Variants in MNAT1 observed in about 807,000 individuals in gnomAD.
MNAT1 encodes MNAT1 component of CDK activating kinase, also known as CDK-activating kinase assembly factor MAT1.
A neutral mutation model predicts 42.0 loss-of-function variants in MNAT1; 43 were observed. The ratio of observed to expected loss-of-function variants is 1.02; its 90% CI spans 0.80 to 1.32. The LOEUF (loss-of-function observed/expected upper bound fraction) is 1.32, where lower values mean the gene tolerates loss of function less well. MNAT1 is among the 40% of genes most tolerant of loss of function. The pLI is 0.00. For missense variants in MNAT1, 306 were observed against 350.4 expected (o/e 0.87, Z 1.01); for synonymous variants, 118 against 120.0 (o/e 0.98, Z 0.11).
Position 60,964,992 on chromosome 14 carries a change from T to C in MNAT1, c.810-3237T>C, listed in dbSNP as rs563049341. ...AAAATGAACTTTGTTTTATTTTTTATTGGCATTAATGTAGGTTGCCGTGGT... is the reference window on the plus strand; with the variant it reads ...AAAATGAACTTTGTTTTATTTTTTACTGGCATTAATGTAGGTTGCCGTGGT... On this transcript the variant is annotated intron_variant, in intron 7 of 7. Transcript: ENST00000261245. Among the ~76,000 whole-genome samples, 4 of 152,338 alleles carry C rather than the reference T, an allele frequency of 2.6e-5. No individual in the cohort carries two copies. The East Asian group carries it at 5.8e-4, about 22-fold the overall frequency.
intron 1 of MNAT1, among the ~76,000 whole-genome samples, chr14:60,762,611 C>T (rs1390391994): frequency 1.4e-5 from 2 of 145,114 alleles, no homozygotes; most frequent in East Asian, 4.1e-4. Flanking sequence ...GAGGCTGAGG[C>T]AGGAGAATCG....
rs557116785 is a variant in MNAT1, at chr14:60,765,365, C to T, written c.89+30414C>T. ...GGGAGGGAAACATCACACACTGGGG[C>T]CTGTCGGTGGGTTGGGGGCTAGTTG... On this transcript the variant is annotated intron_variant, in intron 1 of 7. Transcript: ENST00000261245. Among the ~76,000 whole-genome samples the T allele has an allele frequency of 1.2e-4, 19 of 152,138 alleles. No individual in the cohort carries two copies. In the South Asian group the frequency reaches 1.5e-3, roughly 12 times the overall value.
At chr14:60,956,541 T>C (rs1349529335) in intron 7 of MNAT1, among the ~76,000 whole-genome samples, 1 of 152,204 alleles carries the variant, frequency 6.6e-6, no homozygotes, top group Non-Finnish European at 1.5e-5. Context: ...AATTCCAGCT[T>C]AGTGTTCCTT....
At chr14:60,966,153 G>A (rs550785121) in intron 7 of MNAT1, among the ~76,000 whole-genome samples, 2 of 151,714 alleles carry the variant, frequency 1.3e-5, no homozygotes, top group South Asian at 4.2e-4. Context: ...TTTAAACAGG[G>A]TCTCACTCTG....
intron 1 of MNAT1, among the ~76,000 whole-genome samples, chr14:60,750,432 A>T (rs1028812837): frequency 1.3e-5 from 2 of 149,484 alleles, no homozygotes; most frequent in Admixed American, 6.7e-5. Flanking sequence ...GGGTTTCACC[A>T]TGTTAGCCAG....
intron 6 of MNAT1, among the ~76,000 whole-genome samples, chr14:60,867,629 A>G (rs981144064): frequency 2.6e-5 from 4 of 152,160 alleles, no homozygotes; most frequent in Middle Eastern, 6.8e-3. Context: ...AATTTTATGT[A>G]TTTTTATGAT....
chr14:60,816,932 C>T (rs1450682732), intron 5 of MNAT1, among the ~76,000 whole-genome samples: 1 of 151,930 alleles, frequency 6.6e-6, no homozygotes, highest in Non-Finnish European at 1.5e-5. Context: ...CTTTAACATT[C>T]AGTTCCTTTT....
At chr14:60,774,374 A>C (rs1185010612) in intron 1 of MNAT1, among the ~76,000 whole-genome samples, 1 of 152,172 alleles carries the variant, frequency 6.6e-6, no homozygotes, top group Admixed American at 6.5e-5. Context: ...AGAGGGGTAG[A>C]ATGATAGGAA....
intron 6 of MNAT1, among the ~76,000 whole-genome samples, chr14:60,843,331 C>T (rs569056481): frequency 4.6e-5 from 7 of 152,074 alleles, no homozygotes; most frequent in South Asian, 4.1e-4. Flanking sequence ...AGTACAGTGG[C>T]GCGACCTCAG....
chr14:60,786,886 A>T (rs1367028270), intron 1 of MNAT1, among the ~76,000 whole-genome samples: 2 of 152,216 alleles, frequency 1.3e-5, no homozygotes, highest in African/African-American at 2.4e-5. Flanking sequence ...GTTTTTGGAC[A>T]TACTTAGTTA....
chr14:60,785,263 C>T (rs1247195997), intron 1 of MNAT1, among the ~76,000 whole-genome samples: 2 of 152,120 alleles, frequency 1.3e-5, no homozygotes, highest in East Asian at 3.9e-4. Flanking sequence ...AAAAGGTTTC[C>T]ATTTCCCCCT....
At chr14:60,933,753 C>T (rs534053379) in intron 7 of MNAT1, among the ~76,000 whole-genome samples, 54 of 152,204 alleles carry the variant, frequency 3.5e-4, no homozygotes, top group Non-Finnish European at 5.1e-4. Flanking sequence ...GCTCTAATTC[C>T]GTACTATGGT....
At chr14:60,912,535 A>G (rs1488322210) in intron 7 of MNAT1, among the ~76,000 whole-genome samples, 2 of 152,154 alleles carry the variant, frequency 1.3e-5, no homozygotes, top group Admixed American at 1.3e-4. Flanking sequence ...AAAATCTCTC[A>G]GCATTTGCTT....
At chr14:60,878,207 T>A (rs1190323165) in intron 6 of MNAT1, among the ~76,000 whole-genome samples, 1 of 152,040 alleles carries the variant, frequency 6.6e-6, no homozygotes, top group Non-Finnish European at 1.5e-5. Context: ...ATATAAAAAA[T>A]ATAAACTTTA....
rs1477744938 is a variant in MNAT1, at chr14:60,740,399, G to A, written c.89+5448G>A. Among the ~76,000 whole-genome samples, 2 of 151,296 alleles carry A rather than the reference G, an allele frequency of 1.3e-5. No homozygotes were observed. The highest frequency in any genetic ancestry group is 6.6e-5 in the Admixed American group (1 of 15,196). On this transcript the variant is annotated intron_variant, in intron 1 of 7. Transcript: ENST00000261245. The surrounding 1 kb of genome is among the most constrained non-coding windows in gnomAD (Gnocchi z 4.1). ...TCTCATTTACTGATGTTACTGGATA[G>A]TTTATCCTGAAGAGTCCGAATTTTG... is the stretch of plus-strand genomic sequence containing the variant.
intron 5 of MNAT1, among the ~76,000 whole-genome samples, chr14:60,816,979 T>A (rs186054374): frequency 6.6e-6 from 1 of 152,134 alleles, no homozygotes; most frequent in Admixed American, 6.5e-5. Context: ...CAAGCTAAAG[T>A]CTTGACTAGC....
chr14:60,913,018 T>C (rs531723386), intron 7 of MNAT1, among the ~76,000 whole-genome samples: 1 of 152,164 alleles, frequency 6.6e-6, no homozygotes, highest in Non-Finnish European at 1.5e-5. Context: ...GGAGGCTTTG[T>C]TTGTTTCTTT....
intron 6 of MNAT1, among the ~76,000 whole-genome samples, chr14:60,864,245 A>G (rs2139438201): frequency 6.6e-6 from 1 of 151,964 alleles, no homozygotes; most frequent in Admixed American, 6.6e-5. Context: ...ACAAATGAGC[A>G]CATTATATTT....
At chr14:60,847,591 G>C (rs762514955) in intron 6 of MNAT1, among the ~76,000 whole-genome samples, 108 of 152,078 alleles carry the variant, frequency 7.1e-4, no homozygotes, top group African/African-American at 2.5e-3. Flanking sequence ...AGCTATTTAC[G>C]TTTAATGTTT....
Sources: gnomAD v4.1 joint callset for allele counts (sites outside exome capture counted in the v4.1 genomes callset) on GRCh38, gnomAD v4.1.1 for gene constraint, Gnocchi (gnomAD v3.1) non-coding constraint, MANE v1.5 for transcripts, NCBI Gene and HGNC (gene_info 2026-07-23, HGNC 2026-07-21) for gene names.